USP47: variants seen among roughly 807,000 people sequenced by gnomAD.
USP47 encodes ubiquitin specific peptidase 47.
A neutral mutation model predicts 165.1 loss-of-function variants in USP47; 35 were observed. The observed-to-expected ratio is 0.21, with a 90% CI of 0.16 to 0.28. The LOEUF (loss-of-function observed/expected upper bound fraction) is 0.28. USP47 is among the 10% of genes least tolerant of loss of function. The pLI, the probability that USP47 is intolerant of heterozygous loss-of-function variation, is 1.00. For synonymous variants in USP47, 531 were observed against 544.5 expected, an observed-to-expected ratio of 0.98 and a Z score of 0.35; for missense variants, 1,277 against 1,607.4, an observed-to-expected ratio of 0.79 and a Z score of 3.52.
At chr11:11,868,317 T>A (rs1274528319) in intron 1 of USP47, among the ~76,000 whole-genome samples, 2 of 152,206 alleles carry the variant, frequency 1.3e-5, no homozygotes, top group Non-Finnish European at 2.9e-5. Context: ...CTTTAATCCC[T>A]GGCGATCACT....
At chr11:11,940,787 G>A (rs1157823958) in intron 19 of USP47, among the ~76,000 whole-genome samples, 1 of 151,378 alleles carries the variant, frequency 6.6e-6, no homozygotes, top group South Asian at 2.1e-4. Context: ...ACTCCCACCT[G>A]GAGTGTTCTT....
intron 20 of USP47, among the ~76,000 whole-genome samples, chr11:11,947,361 CATCTT>C (rs1326454166): frequency 5.3e-5 from 8 of 152,180 alleles, no homozygotes; most frequent in Non-Finnish European, 1.2e-4. Flanking sequence ...ATAAATCAGA[CATCTT>C]AGTATGCCAG....
chr11:11,951,770 G>A (rs1317042978), intron 24 of USP47: 2 of 152,114 alleles, frequency 1.3e-5, no homozygotes, highest in African/African-American at 4.8e-5. Context: ...AAGTTGGGAG[G>A]TAAGGAACAA....
chr11:11,930,413 G>T (rs535889313), intron 13 of USP47, among the ~76,000 whole-genome samples: 1 of 152,228 alleles, frequency 6.6e-6, no homozygotes, highest in South Asian at 2.1e-4. Context: ...GAAACAACTT[G>T]CTGGCCCCTG....
intron 13 of USP47, 60 bp from the exon 14 acceptor site, chr11:11,930,636 G>A (rs1413409860): frequency 2.5e-6 from 3 of 1,222,638 alleles, no homozygotes; most frequent in Non-Finnish European, 2.3e-6. Context: ...TTCATGCTTA[G>A]AAGTGGAATC....
Position 11,842,135 on chromosome 11 carries a change from C to T in USP47, c.-51C>T, listed in dbSNP as rs1564846532. The T allele has an allele frequency of 1.3e-6, 2 of 1,547,304 alleles. No individual in the cohort carries two copies. The highest frequency in any genetic ancestry group is 8.7e-7 in the Non-Finnish European group (1 of 1,144,712). ...TCTCTCTTGAGCTAGCGAGCCGCCG[C>T]CACCCTCCACCCTCCCCCGGCAGGG... On this transcript the variant is annotated 5_prime_UTR_variant, in exon 1 of 28. Transcript: ENST00000527733.
intron 1 of USP47, among the ~76,000 whole-genome samples, chr11:11,869,014 T>C (rs557829125): frequency 3.9e-5 from 6 of 152,258 alleles, no homozygotes; most frequent in African/African-American, 1.4e-4. Context: ...TTATATATTC[T>C]AGATACTAAT....
intron 13 of USP47, 68 bp from the exon 14 acceptor site, chr11:11,930,628 C>A (rs1854598002): frequency 8.7e-7 from 1 of 1,155,782 alleles, no homozygotes; most frequent in Non-Finnish European, 1.3e-6. Flanking sequence ...TTAAATATTT[C>A]ATGCTTAGAA....
chr11:11,853,519 G>C (rs932528523), intron 1 of USP47, among the ~76,000 whole-genome samples: 1 of 152,170 alleles, frequency 6.6e-6, no homozygotes, highest in Non-Finnish European at 1.5e-5. Context: ...GTGTTTTCCT[G>C]AGCCTGGTTT....
At chr11:11,903,702 CA>C (rs1852369890) in intron 7 of USP47, among the ~76,000 whole-genome samples, 1 of 152,060 alleles carries the variant, frequency 6.6e-6, no homozygotes, top group Admixed American at 6.6e-5. Context: ...TAATCTGTAA[CA>C]CAAGTATAGT....
chr11:11,860,103 A>AAG (rs1564853398), intron 1 of USP47, among the ~76,000 whole-genome samples: 1 of 150,290 alleles, frequency 6.7e-6, no homozygotes, highest in East Asian at 1.9e-4. Flanking sequence ...AAAAAAAAAA[A>AAG]GAAAAACTGA....
chr11:11,868,637 C>G (rs1212471894), intron 1 of USP47, among the ~76,000 whole-genome samples: 1 of 151,364 alleles, frequency 6.6e-6, no homozygotes, highest in Non-Finnish European at 1.5e-5. Context: ...ATTATTTCAT[C>G]TGTGATAAAT....
chr11:11,845,097 T>TA (rs1194325808), intron 1 of USP47, among the ~76,000 whole-genome samples: 1 of 152,226 alleles, frequency 6.6e-6, no homozygotes, highest in African/African-American at 2.4e-5. Context: ...TTGAAACAGC[T>TA]ATGCCATTTA....
In USP47 at chr11:11,869,692, G is replaced by A. The variant is rs192008727; in HGVS notation, c.40-10485G>A. Among the ~76,000 whole-genome samples, 233 of 152,204 alleles carry A rather than the reference G, an allele frequency of 1.5e-3. 2 individuals carry two copies. Among genetic ancestry groups the A allele is most frequent in the African/African-American group, 4.7e-3 (196 of 41,514 alleles). On this transcript the variant is annotated intron_variant, in intron 1 of 27. Coordinates refer to ENST00000527733, the MANE Select transcript of USP47 (RefSeq NM_001282659.2). Reference sequence around the variant, plus strand: ...CTTTGCTATGGTTTGAATGCTTGCCGTCTTCAAAATTCATGTGGAAATTTA... The same window carrying A: ...CTTTGCTATGGTTTGAATGCTTGCCATCTTCAAAATTCATGTGGAAATTTA...
chr11:11,906,196 G>A (rs1017389420), intron 8 of USP47, among the ~76,000 whole-genome samples: 2 of 151,912 alleles, frequency 1.3e-5, no homozygotes, highest in African/African-American at 4.8e-5. Flanking sequence ...CTATACATAT[G>A]TGTATTTACT....
intron 1 of USP47, among the ~76,000 whole-genome samples, chr11:11,851,345 G>A (rs922119667): frequency 7.2e-5 from 11 of 152,196 alleles, no homozygotes; most frequent in African/African-American, 2.4e-4. Flanking sequence ...GGGTTGAAGA[G>A]TAGAAGAGGA....
rs113947017 is a variant in USP47, at chr11:11,942,225, CAT to C, written c.2314-109_2314-108del. On this transcript the variant is annotated intron_variant, in intron 19 of 27. Coordinates refer to ENST00000527733, the MANE Select transcript of USP47 (RefSeq NM_001282659.2). ...GTCCTTCAGAAACTATATCATCACA[CAT>C]GTTATAACATAACTGTGTATTGTGT... 1,287 of 1,205,000 alleles carry C rather than the reference CAT, an allele frequency of 1.1e-3. 16 individuals are homozygous for C. The African/African-American group carries it at 0.018, about 16-fold the overall frequency. 74.6% of individuals were successfully genotyped at this position (1,205,000 alleles called of 1,614,324 possible). A position where few individuals can be genotyped will look rare whatever the true frequency, so the allele number is the denominator to read the frequency against.
intron 1 of USP47, among the ~76,000 whole-genome samples, chr11:11,868,169 C>T (rs865918022): frequency 2.0e-5 from 3 of 152,210 alleles, no homozygotes; most frequent in African/African-American, 7.2e-5. Context: ...AATGGTAACA[C>T]CTTATGGACT....
chr11:11,892,227 A>G (rs1371148113), intron 4 of USP47, 121 bp downstream of exon 4: 3 of 1,080,332 alleles, frequency 2.8e-6, no homozygotes, highest in Non-Finnish European at 3.8e-6. Flanking sequence ...CAGGAGTACT[A>G]GCTAGCAGCC....
Sources: gnomAD v4.1 joint callset for allele counts (sites outside exome capture counted in the v4.1 genomes callset) on GRCh38, gnomAD v4.1.1 for gene constraint, MANE v1.5 for transcripts, NCBI Gene and HGNC (gene_info 2026-07-23, HGNC 2026-07-21) for gene names.